The following CGA variants were observed in gnomAD, a reference collection of about 807,000 sequenced individuals.
CGA encodes the protein glycoprotein hormones, alpha polypeptide, also known as glycoprotein hormones alpha chain.
A neutral mutation model predicts 12.0 loss-of-function variants in CGA; 4 were observed. The ratio of observed to expected loss-of-function variants is 0.33; its 90% CI spans 0.16 to 0.76. The LOEUF (loss-of-function observed/expected upper bound fraction) is 0.76. Ranked by LOEUF, CGA falls within the 30% of genes least tolerant of loss-of-function variation. The pLI is 0.60. For missense variants in CGA, 102 were observed against 143.5 expected (o/e 0.71, Z 1.48); for synonymous variants, 60 against 56.6 (o/e 1.06, Z -0.27).
intron 1 of CGA, among the ~76,000 whole-genome samples, chr6:87,091,615 C>T (rs1231739502): frequency 6.6e-6 from 1 of 152,184 alleles, no homozygotes; most frequent in Non-Finnish European, 1.5e-5. Context: ...TACACACCAA[C>T]ATACCCTTAT....
At chr6:87,090,655 T>TTTTA (rs1769414863) in intron 1 of CGA, among the ~76,000 whole-genome samples, 1 of 150,480 alleles carries the variant, frequency 6.6e-6, no homozygotes, top group African/African-American at 2.4e-5. Flanking sequence ...TTTGTTTTTT[T>TTTTA]GAGATTGAGT....
intron 1 of CGA, among the ~76,000 whole-genome samples, chr6:87,092,840 C>G (rs905298741): frequency 1.3e-5 from 2 of 149,608 alleles, no homozygotes; most frequent in Admixed American, 1.3e-4. Context: ...CTCAACTTCC[C>G]AAGCTCAGGT....
chr6:87,086,037 C>T, intron 3 of CGA: 1 of 644,270 alleles, frequency 1.6e-6, no homozygotes, highest in Non-Finnish European at 2.7e-6. Context: ...GTCACCTCTA[C>T]CCCTATTCTC....
chr6:87,085,993 CAAGT>C (rs1334077183), intron 3 of CGA, 160 bp from the exon 4 acceptor site: 1 of 682,548 alleles, frequency 1.5e-6, no homozygotes, highest in Non-Finnish European at 2.5e-6. Context: ...ATTTTTAGCA[CAAGT>C]AAGCTGTACT....
At chr6:87,092,334 T>C (rs571575306) in intron 1 of CGA, among the ~76,000 whole-genome samples, 3 of 152,268 alleles carry the variant, frequency 2.0e-5, no homozygotes, top group South Asian at 4.1e-4. Flanking sequence ...ATCAGGAATA[T>C]AGCAGTAGTG....
At chr6:87,086,091 T>C in intron 3 of CGA, 159 bp downstream of exon 3, 1 of 697,310 alleles carries the variant, frequency 1.4e-6, no homozygotes, top group Non-Finnish European at 2.4e-6. Flanking sequence ...GACAATTGAC[T>C]CTTTTAATTA....
chr6:87,086,098 A>G, intron 3 of CGA, 152 bp downstream of exon 3: 1 of 715,896 alleles, frequency 1.4e-6, no homozygotes, highest in Non-Finnish European at 2.4e-6. Context: ...GACTCTTTTA[A>G]TTAATGGGTA....
At chr6:87,092,327 A>C (rs1200047110) in intron 1 of CGA, among the ~76,000 whole-genome samples, 2 of 152,138 alleles carry the variant, frequency 1.3e-5, no homozygotes. Flanking sequence ...TGCTTAGATC[A>C]GGAATATAGC....
At chr6:87,090,298 T>C (rs1769407524) in intron 1 of CGA, among the ~76,000 whole-genome samples, 1 of 152,176 alleles carries the variant, frequency 6.6e-6, no homozygotes, top group Non-Finnish European at 1.5e-5. Flanking sequence ...GTTGTTTGTC[T>C]TTTTTTCCTC....
chr6:87,085,615 G>A lies in CGA; in HGVS notation c.*141C>T, dbSNP rs895053659. ...GTAGGATAAGGAGGAAGGCAGTAAA[G>A]CTGCAGTATATCCTTGAAGCGTGTC... is the stretch of plus-strand genomic sequence containing the variant. On this transcript the variant is annotated 3_prime_UTR_variant, in exon 4 of 4. Coordinates refer to ENST00000627148, the MANE Select transcript of CGA (RefSeq NM_000735.4). 5.9e-5 allele frequency: 38 copies of A among 645,294 alleles called. No homozygotes were observed. The highest frequency in any genetic ancestry group is 2.6e-4 in the African/African-American group (14 of 54,836). The allele number at this position is 645,294 out of a possible 1,614,324, so 40.0% of individuals were successfully genotyped here.
At chr6:87,086,193 A>G (rs1769318806) in intron 3 of CGA, 57 bp downstream of exon 3, 3 of 1,491,882 alleles carry the variant, frequency 2.0e-6, no homozygotes, top group Non-Finnish European at 2.7e-6. Context: ...GGTGGGCTCT[A>G]TGAACATTTC....
At chr6:87,092,262 G>A (rs914868584) in intron 1 of CGA, among the ~76,000 whole-genome samples, 20 of 152,148 alleles carry the variant, frequency 1.3e-4, no homozygotes, top group African/African-American at 4.8e-4. Flanking sequence ...ACAGTGGTAT[G>A]TCTGTCTTTG....
intron 1 of CGA, among the ~76,000 whole-genome samples, chr6:87,090,742 A>T (rs916465018): frequency 1.3e-5 from 2 of 151,342 alleles, no homozygotes; most frequent in Non-Finnish European, 2.9e-5. Context: ...GGTTCAAGCA[A>T]TTCTCCTGCC....
At chr6:87,086,696 G>T in intron 2 of CGA, 1 of 356,070 alleles carries the variant, frequency 2.8e-6, no homozygotes, top group Non-Finnish European at 5.1e-6. Flanking sequence ...TGGGGCAGAA[G>T]AATCGCTTGA....
At chr6:87,090,869 A>G (rs189695106) in intron 1 of CGA, among the ~76,000 whole-genome samples, 90 of 151,074 alleles carry the variant, frequency 6.0e-4, no homozygotes, top group Admixed American at 2.1e-3. Context: ...GCTGGTCTCA[A>G]ACTCCTGACC....
At chr6:87,094,676 C>T (rs903124771) in intron 1 of CGA, among the ~76,000 whole-genome samples, 3 of 152,156 alleles carry the variant, frequency 2.0e-5, no homozygotes, top group Admixed American at 6.5e-5. Context: ...ATAATGTCTA[C>T]TTGCCCTCTG....
chr6:87,092,737 GCTTT>G (rs770957657), intron 1 of CGA, among the ~76,000 whole-genome samples: 1 of 141,304 alleles, frequency 7.1e-6, no homozygotes, highest in Non-Finnish European at 1.5e-5. Context: ...AAAAGCATTA[GCTTT>G]CTTTTTTTTT....
At chr6:87,091,586 A>G (rs991674209) in intron 1 of CGA, among the ~76,000 whole-genome samples, 1 of 152,118 alleles carries the variant, frequency 6.6e-6, no homozygotes, top group African/African-American at 2.4e-5. Context: ...TGTACACACA[A>G]CCTCAGACTA....
Position 87,085,845 on chromosome 6 carries a change from G to T in CGA, c.274-12C>A. 6.4e-7 allele frequency: 1 copy of T among 1,561,512 alleles called. No individual in the cohort carries two copies. The highest frequency in any genetic ancestry group is 2.2e-5 in the East Asian group (1 of 44,528). On this transcript the variant is annotated splice_polypyrimidine_tract_variant and intron_variant, in intron 3 of 3. Transcript: ENST00000627148. ...CCCATTACTGTGACCTAAAGGGGAA[G>T]GAAAAAAAAACATATTATAGATTAG... is the stretch of plus-strand genomic sequence containing the variant.
Sources: allele counts gnomAD v4.1 joint callset (sites outside exome capture counted in the v4.1 genomes callset), GRCh38; gene constraint gnomAD v4.1.1; transcripts MANE v1.5; gene names NCBI Gene and HGNC (gene_info 2026-07-23, HGNC 2026-07-21).